Variants in MBOAT1 observed in about 807,000 individuals in gnomAD.
MBOAT1 encodes membrane bound glycerophospholipid O-acyltransferase 1, also known as membrane-bound glycerophospholipid O-acyltransferase 1.
Under a neutral mutation model 64.4 loss-of-function variants are expected in MBOAT1, and 67 were observed. That is an observed-to-expected ratio of 1.04 (90% CI 0.85 to 1.27). MBOAT1 has a LOEUF of 1.27. MBOAT1 is among the 50% of genes most tolerant of loss of function. MBOAT1 has a pLI of 0.00. For missense variants in MBOAT1, 563 were observed against 604.6 expected (o/e 0.93, Z 0.72); for synonymous variants, 229 against 218.9 (o/e 1.05, Z -0.41).
intron 1 of MBOAT1, among the ~76,000 whole-genome samples, chr6:20,204,013 C>T (rs1007010542): frequency 6.6e-6 from 1 of 152,206 alleles, no homozygotes; most frequent in Non-Finnish European, 1.5e-5. Context: ...TGGGAAGCTG[C>T]CTGATTCATG....
At chr6:20,131,042 G>T in intron 5 of MBOAT1, 102 bp downstream of exon 5, 2 of 1,009,002 alleles carry the variant, frequency 2.0e-6, no homozygotes, top group Non-Finnish European at 3.1e-6. Flanking sequence ...AGCAAGATCT[G>T]CCAGCATTTG....
intron 3 of MBOAT1, among the ~76,000 whole-genome samples, chr6:20,147,841 T>C (rs1449468813): frequency 6.6e-6 from 1 of 152,170 alleles, no homozygotes; most frequent in Non-Finnish European, 1.5e-5. Flanking sequence ...AAAAATTAAA[T>C]GATATATTAC....
At chr6:20,163,988 T>C (rs982463638) in intron 1 of MBOAT1, among the ~76,000 whole-genome samples, 1 of 152,010 alleles carries the variant, frequency 6.6e-6, no homozygotes, top group Non-Finnish European at 1.5e-5. Context: ...TTTATACAGA[T>C]AGAGATCACT....
At chr6:20,159,543 C>T (rs1274714525) in intron 1 of MBOAT1, among the ~76,000 whole-genome samples, 1 of 151,956 alleles carries the variant, frequency 6.6e-6, no homozygotes, top group Admixed American at 6.6e-5. Flanking sequence ...AGACAAATAC[C>T]GTATGATCTT....
Position 20,144,260 on chromosome 6 carries a change from A to G in MBOAT1, c.379T>C (p.Tyr127His). ...GTGAGAATTCCATAGTGGAAGATGT[A>G]TATTCGGCTGATGTGGCATATTGTA... ...YLTICHISRI[Y>H]IFHYGILTTD... is the part of the protein sequence containing the mutation. Residue 127 changes from tyrosine to histidine, a missense_variant, in exon 4 of 13, where the codon TAC becomes CAC. By Grantham distance (83) the Tyr-to-His change is moderately conservative. Coordinates refer to ENST00000324607, the MANE Select transcript of MBOAT1 (RefSeq NM_001080480.3). The G allele has an allele frequency of 1.2e-6, 2 of 1,613,364 alleles. No homozygotes were observed. Among genetic ancestry groups the G allele is most frequent in the Non-Finnish European group, 1.7e-6 (2 of 1,179,550 alleles).
chr6:20,161,220 C>T (rs1475593826), intron 1 of MBOAT1, among the ~76,000 whole-genome samples: 1 of 152,006 alleles, frequency 6.6e-6, no homozygotes, highest in African/African-American at 2.4e-5. Context: ...GCTGCCGCTC[C>T]TTATAAGAAT....
intron 1 of MBOAT1, among the ~76,000 whole-genome samples, chr6:20,201,315 A>G (rs1483083700): frequency 1.3e-5 from 2 of 150,196 alleles, no homozygotes; most frequent in East Asian, 2.0e-4. Context: ...AATCCCTAAG[A>G]GACACTGTTA....
At chr6:20,198,756 C>T (rs1308718872) in intron 1 of MBOAT1, among the ~76,000 whole-genome samples, 1 of 152,160 alleles carries the variant, frequency 6.6e-6, no homozygotes, top group East Asian at 1.9e-4. Context: ...CATAAAAAGT[C>T]GTAAGCAGTC....
chr6:20,212,379 T>C lies in MBOAT1; in HGVS notation c.-145A>G. 1.4e-6 allele frequency: 1 copy of C among 697,216 alleles called. No individual in the cohort carries two copies. Among genetic ancestry groups the C allele is most frequent in the South Asian group, 1.8e-5 (1 of 54,216 alleles). 43.2% of individuals were successfully genotyped at this position (697,216 alleles called of 1,614,324 possible). A position where few individuals can be genotyped will look rare whatever the true frequency, so the allele number is the denominator to read the frequency against. On this transcript the variant is annotated 5_prime_UTR_variant, in exon 1 of 13. Transcript: ENST00000324607. ...GGGGAGCGAACGGGAGGCCGGGGAA[T>C]GCGAACCGGCGCAAACTCTCGAGGC...
At chr6:20,210,301 G>T (rs1763382066) in intron 1 of MBOAT1, among the ~76,000 whole-genome samples, 1 of 152,140 alleles carries the variant, frequency 6.6e-6, no homozygotes. Context: ...TGACATCTAA[G>T]CCTTTAAAAA....
chr6:20,192,468 C>A (rs1365021342), intron 1 of MBOAT1, among the ~76,000 whole-genome samples: 3 of 152,204 alleles, frequency 2.0e-5, no homozygotes, highest in African/African-American at 7.2e-5. Context: ...TTAAGAGAGT[C>A]CCAAGAACAC....
intron 11 of MBOAT1, among the ~76,000 whole-genome samples, chr6:20,111,942 C>G (rs1358564160): frequency 6.8e-6 from 1 of 146,944 alleles, no homozygotes; most frequent in Non-Finnish European, 1.5e-5. Flanking sequence ...AGGGGAGGGA[C>G]TCTTGTCTTG....
intron 4 of MBOAT1, among the ~76,000 whole-genome samples, chr6:20,133,820 G>A (rs916785296): frequency 3.9e-5 from 6 of 152,172 alleles, no homozygotes; most frequent in Non-Finnish European, 1.5e-5. Flanking sequence ...ATATTTACAT[G>A]TGCTGTGGCC....
chr6:20,102,365 A>T lies in MBOAT1; in HGVS notation c.1409T>A (p.Phe470Tyr), dbSNP rs767333251. ...LHIISLLIILFLPMKPQAHTQ... is the reference protein window; with the variant it reads ...LHIISLLIILYLPMKPQAHTQ... ...ATGAGCTTGTGGTTTCATTGGCAGA[A>T]ATAGTATTATCAGGAGACTTATGAT... is the stretch of plus-strand genomic sequence containing the variant. Residue 470 changes from phenylalanine (F) to tyrosine (Y), a missense_variant, in exon 13 of 13, where the codon TTT becomes TAT. Coordinates refer to ENST00000324607, the MANE Select transcript of MBOAT1 (RefSeq NM_001080480.3). 82 of 1,613,026 alleles carry T rather than the reference A, an allele frequency of 5.1e-5. No homozygotes were observed. In the South Asian group the frequency reaches 8.3e-4, roughly 16 times the overall value.
chr6:20,196,263 T>C (rs965875132), intron 1 of MBOAT1, among the ~76,000 whole-genome samples: 1 of 152,150 alleles, frequency 6.6e-6, no homozygotes, highest in Non-Finnish European at 1.5e-5. Context: ...TCTCAAAATA[T>C]TCCCACAGAT....
chr6:20,138,260 A>C (rs1273736604), intron 4 of MBOAT1, among the ~76,000 whole-genome samples: 1 of 152,228 alleles, frequency 6.6e-6, no homozygotes, highest in African/African-American at 2.4e-5. Context: ...CTCAGTAATC[A>C]CAGAACTGAA....
At chr6:20,121,485 C>T (rs1011822167) in intron 8 of MBOAT1, among the ~76,000 whole-genome samples, 4 of 152,132 alleles carry the variant, frequency 2.6e-5, no homozygotes, top group African/African-American at 9.7e-5. Context: ...GAGCTAAGTC[C>T]ACAGAGAAAG....
intron 1 of MBOAT1, among the ~76,000 whole-genome samples, chr6:20,173,712 A>AG (rs1417221491): frequency 2.6e-5 from 4 of 152,200 alleles, no homozygotes; most frequent in African/African-American, 9.6e-5. Context: ...GCACTTTGGG[A>AG]GGCCGAGGCG....
chr6:20,148,092 C>T (rs972740444), intron 3 of MBOAT1, among the ~76,000 whole-genome samples: 8 of 152,318 alleles, frequency 5.3e-5, no homozygotes, highest in African/African-American at 1.9e-4. Flanking sequence ...ATCCCCAAAA[C>T]CCTCTAAACA....
Sources: gnomAD v4.1 joint callset for allele counts (sites outside exome capture counted in the v4.1 genomes callset) on GRCh38, gnomAD v4.1.1 for gene constraint, MANE v1.5 for transcripts, NCBI Gene and HGNC (gene_info 2026-07-23, HGNC 2026-07-21) for gene names.